The following USP47 variants were observed in gnomAD, a reference collection of about 807,000 sequenced individuals.
USP47 encodes ubiquitin carboxyl-terminal hydrolase 47.
USP47 carries 35 observed loss-of-function variants against 165.1 expected under a neutral mutation model. The ratio of observed to expected loss-of-function variants is 0.21; its 90% confidence interval spans 0.16 to 0.28. The LOEUF (loss-of-function observed/expected upper bound fraction) is 0.28, where lower values mean the gene tolerates loss of function less well. USP47 is among the 10% of genes least tolerant of loss of function. The probability of loss-of-function intolerance (pLI) is 1.00; values close to 1 mark genes in which losing one functional copy is unlikely to be tolerated. For missense variants in USP47, 1,277 were observed against 1,607.4 expected, an observed-to-expected ratio of 0.79 and a Z score of 3.52; for synonymous variants, 531 against 544.5, an observed-to-expected ratio of 0.98 and a Z score of 0.35.
chr11:11,923,743 A>G (rs1489115459), intron 11 of USP47, among the ~76,000 whole-genome samples: 1 of 152,226 alleles, frequency 6.6e-6, no homozygotes, highest in Non-Finnish European at 1.5e-5. Context: ...GACCAAGGCC[A>G]TTCTTCTAAT....
At chr11:11,884,069 TG>T (rs1851001460) in intron 2 of USP47, among the ~76,000 whole-genome samples, 1 of 152,236 alleles carries the variant, frequency 6.6e-6, no homozygotes, top group South Asian at 2.1e-4. Context: ...CAAAACATTT[TG>T]GTTTTTAGTT....
Position 11,942,936 on chromosome 11 carries a change from G to C in USP47, c.2915G>C (p.Ser972Thr). 6.2e-7 allele frequency: 1 copy of C among 1,613,570 alleles called. No homozygotes were observed. The highest frequency in any genetic ancestry group is 8.5e-7 in the Non-Finnish European group (1 of 1,179,718). Reference protein sequence around the residue: ...ANGLDSHSITSSRRTKANEGK... With the variant: ...ANGLDSHSITTSRRTKANEGK... ...GGACTTGACTCTCACAGTATCACAA[G>C]TAGTAGAAGAACGAAAGCAAATGAA... Residue 972 changes from serine (S) to threonine (T), a missense_variant, in exon 20 of 28, where the codon AGT becomes ACT. Physicochemically the swap from Ser to Thr is moderately conservative, Grantham distance 58. Coordinates refer to ENST00000527733, the MANE Select transcript of USP47 (RefSeq NM_001282659.2).
chr11:11,928,986 A>G (rs1854455416), intron 11 of USP47, among the ~76,000 whole-genome samples: 1 of 152,048 alleles, frequency 6.6e-6, no homozygotes, highest in Non-Finnish European at 1.5e-5. Flanking sequence ...GATAATGCAT[A>G]AATACATTAG....
At chr11:11,876,178 T>C (rs11825198) in intron 1 of USP47, among the ~76,000 whole-genome samples, 7,581 of 152,278 alleles carry the variant, frequency 0.05, 472 homozygotes, top group African/African-American at 0.15. Flanking sequence ...TAAACTACAT[T>C]AAATGTTTTT....
intron 1 of USP47, among the ~76,000 whole-genome samples, chr11:11,851,305 T>A (rs1848713145): frequency 6.6e-6 from 1 of 152,206 alleles, no homozygotes; most frequent in Non-Finnish European, 1.5e-5. Flanking sequence ...TTATATGCTC[T>A]CTAGAGATTG....
rs1432276410 is a variant in USP47, at chr11:11,956,405, C to CA, written c.*237dup. 2.3e-5 allele frequency: 8 copies of CA among 347,020 alleles called. No homozygotes were observed. Among genetic ancestry groups the CA allele is most frequent in the East Asian group, 4.3e-5 (1 of 23,018 alleles). The allele number at this position is 347,020 out of a possible 1,614,324, so 21.5% of individuals were successfully genotyped here. On this transcript the variant is annotated 3_prime_UTR_variant, in exon 28 of 28. Coordinates refer to ENST00000527733, the MANE Select transcript of USP47 (RefSeq NM_001282659.2). Reference sequence around the variant, plus strand: ...GTACTGTAAAGTGAAAAGGGATGTGCAAAAAAATAAAAAAAAACAACAAAA... The same window carrying CA: ...GTACTGTAAAGTGAAAAGGGATGTGCAAAAAAAATAAAAAAAAACAACAAAA...
In USP47 at chr11:11,902,289, A is replaced by T. The variant is rs552257266; in HGVS notation, c.594-426A>T. 1.6e-3 allele frequency among the ~76,000 whole-genome samples: 241 copies of T among 152,302 alleles called. 1 individual carries two copies. In the South Asian group the frequency reaches 0.022, roughly 14 times the overall value. ...ATCCTTGCAATTTATTCCCTGCAAAAAATAGAAAGAAAACTGATGTCATCT... is the reference window on the plus strand; with the variant it reads ...ATCCTTGCAATTTATTCCCTGCAAATAATAGAAAGAAAACTGATGTCATCT... On this transcript the variant is annotated intron_variant, in intron 5 of 27. Coordinates refer to ENST00000527733, the MANE Select transcript of USP47 (RefSeq NM_001282659.2).
intron 1 of USP47, among the ~76,000 whole-genome samples, chr11:11,871,471 C>A (rs1362017574): frequency 1.6e-5 from 2 of 125,846 alleles, no homozygotes; most frequent in Admixed American, 2.1e-4. Flanking sequence ...CCACTGCACT[C>A]CAGCCTGGCA....
chr11:11,953,852 A>G (rs1856378859), intron 25 of USP47, among the ~76,000 whole-genome samples: 1 of 152,232 alleles, frequency 6.6e-6, no homozygotes, highest in Admixed American at 6.5e-5. Flanking sequence ...GACAATATAT[A>G]CCTTTGATAA....
intron 4 of USP47, among the ~76,000 whole-genome samples, chr11:11,894,678 A>T (rs1476153956): frequency 6.6e-6 from 1 of 152,216 alleles, no homozygotes; most frequent in Non-Finnish European, 1.5e-5. Context: ...TCATTTTTGC[A>T]CCAAGTATTT....
intron 11 of USP47, among the ~76,000 whole-genome samples, chr11:11,926,186 C>T (rs962759083): frequency 1.3e-5 from 2 of 152,150 alleles, no homozygotes; most frequent in African/African-American, 4.8e-5. Context: ...ATCAAAGTCA[C>T]GCTGACCATA....
intron 8 of USP47, among the ~76,000 whole-genome samples, chr11:11,914,427 T>C (rs1045081970): frequency 1.3e-5 from 2 of 152,108 alleles, no homozygotes; most frequent in African/African-American, 4.8e-5. Flanking sequence ...AAATGTAAAA[T>C]GTAAGACTAT....
chr11:11,958,182 G>T lies in USP47; in HGVS notation c.*2007G>T, dbSNP rs938100160. 2.0e-5 allele frequency: 3 copies of T among 152,164 alleles called. No individual in the cohort carries two copies. The highest frequency in any genetic ancestry group is 7.2e-5 in the African/African-American group (3 of 41,436). 9.4% of individuals were successfully genotyped at this position (152,164 alleles called of 1,614,324 possible). On this transcript the variant is annotated 3_prime_UTR_variant, in exon 28 of 28. Transcript: ENST00000527733. Reference sequence around the variant, plus strand: ...GGGCTTTGGAGTTTGGTCTGATTGGGTTTGGTTTAGTATTCCTATGAGCGT... The same window carrying T: ...GGGCTTTGGAGTTTGGTCTGATTGGTTTTGGTTTAGTATTCCTATGAGCGT...
At chr11:11,934,072 G>A in intron 16 of USP47, 137 bp downstream of exon 16, 2 of 635,758 alleles carry the variant, frequency 3.1e-6, no homozygotes, top group Non-Finnish European at 5.3e-6. Context: ...CTCTTACCGA[G>A]TATATTTATA....
Position 11,930,071 on chromosome 11 carries a change from CATG to C in USP47, c.1547_1549del (p.His516_Gly517delinsArg), listed in dbSNP as rs1854545532. 6.2e-7 allele frequency: 1 copy of C among 1,613,360 alleles called. No individual in the cohort carries two copies. Among genetic ancestry groups the C allele is most frequent in the Non-Finnish European group, 8.5e-7 (1 of 1,179,410 alleles). ...AACACAAGAGGACATTAAGAAAACA[CATG>C]GTGGATCTTCAGGAAGCAGAGGATA... is the stretch of plus-strand genomic sequence containing the variant. On this transcript the variant is annotated inframe_deletion, in exon 13 of 28. Coordinates refer to ENST00000527733, the MANE Select transcript of USP47 (RefSeq NM_001282659.2).
intron 20 of USP47, among the ~76,000 whole-genome samples, chr11:11,944,416 A>G (rs1454132793): frequency 6.6e-6 from 1 of 152,196 alleles, no homozygotes; most frequent in Non-Finnish European, 1.5e-5. Flanking sequence ...ACATTCATAC[A>G]TATATCTTGC....
chr11:11,925,252 C>A (rs1050910282), intron 11 of USP47, among the ~76,000 whole-genome samples: 2 of 151,908 alleles, frequency 1.3e-5, no homozygotes, highest in Non-Finnish European at 1.5e-5. Flanking sequence ...GAACTACAGG[C>A]ACCGGCCACC....
In USP47 at chr11:11,952,847, T is replaced by C; in HGVS notation, c.3690T>C (p.Ser1230=). 3 of 1,607,656 alleles carry C rather than the reference T, an allele frequency of 1.9e-6. No homozygotes were observed. Among genetic ancestry groups the C allele is most frequent in the Non-Finnish European group, 1.7e-6 (2 of 1,176,676 alleles). Residue 1230 remains serine (S), a synonymous_variant, in exon 25 of 28, where the codon AGT becomes AGC. Transcript: ENST00000527733. ...TCCAGGAGGTTGTATTGGAAAGCAG[T>C]AGTGTGGACGAATTGCGAGAGAAGG... The part of the protein sequence containing the change: ...DPFQEVVLES[S]SVDELREKLS...
intron 19 of USP47, 84 bp downstream of exon 19, chr11:11,940,632 A>G (rs1296484260): frequency 3.5e-6 from 5 of 1,410,082 alleles, no homozygotes; most frequent in Non-Finnish European, 3.9e-6. Context: ...CCTGGCCTCC[A>G]CAGCTGTTCA....
Sources: gnomAD v4.1 joint callset for allele counts (sites outside exome capture counted in the v4.1 genomes callset) on GRCh38, gnomAD v4.1.1 for gene constraint, MANE v1.5 for transcripts, NCBI Gene and HGNC (gene_info 2026-07-23, HGNC 2026-07-21) for gene names.